HEATR1: variants seen among roughly 807,000 people sequenced by gnomAD.
HEATR1 encodes HEAT repeat containing 1, also known as HEAT repeat-containing protein 1.
In HEATR1, 77 loss-of-function variants were observed where a neutral mutation model predicts 248.2. That is an observed-to-expected ratio of 0.31 (90% CI 0.26 to 0.37). The LOEUF (loss-of-function observed/expected upper bound fraction) is 0.37, where lower values mean the gene tolerates loss of function less well. HEATR1 is among the 10% of genes least tolerant of loss of function. The pLI, the probability that HEATR1 is intolerant of heterozygous loss-of-function variation, is 1.00. For synonymous variants in HEATR1, 897 were observed against 923.1 expected, an observed-to-expected ratio of 0.97 and a Z score of 0.51; for missense variants, 2,420 against 2,504.9, an observed-to-expected ratio of 0.97 and a Z score of 0.72.
In HEATR1 at chr1:236,588,294, A is replaced by G. The variant is rs574232269; in HGVS notation, c.1531-251T>C. 5.9e-5 allele frequency among the ~76,000 whole-genome samples: 9 copies of G among 152,342 alleles called. No homozygotes were observed. In the East Asian group the frequency reaches 1.5e-3, roughly 26 times the overall value. ...ATAGTAAATATGGTATACTCCAAAT[A>G]TAGTTTTTGTAGTTAAGGAGTTCAT... On this transcript the variant is annotated intron_variant, in intron 12 of 44. Coordinates refer to ENST00000366582, the MANE Select transcript of HEATR1 (RefSeq NM_018072.6).
At chr1:236,572,879 T>C (rs1464735688) in intron 24 of HEATR1, 51 bp from the exon 25 acceptor site, 1 of 1,486,880 alleles carries the variant, frequency 6.7e-7, no homozygotes, top group African/African-American at 1.4e-5. Flanking sequence ...TGGGATAAAA[T>C]TAGAGCAATA....
At chr1:236,570,658 A>G (rs1663402869) in intron 28 of HEATR1, among the ~76,000 whole-genome samples, 1 of 152,200 alleles carries the variant, frequency 6.6e-6, no homozygotes, top group Admixed American at 6.5e-5. Context: ...CATCTGAACT[A>G]TATTTCAATA....
rs1158688181 is a variant in HEATR1 at position 236,549,482 on chromosome 1, ATAT to A, written c.*1417_*1419del. The A allele has an allele frequency of 6.5e-6, 1 of 152,674 alleles. No individual in the cohort carries two copies. The highest frequency in any genetic ancestry group is 2.4e-5 in the African/African-American group (1 of 41,486). 9.5% of individuals were successfully genotyped at this position (152,674 alleles called of 1,614,324 possible). On this transcript the variant is annotated 3_prime_UTR_variant, in exon 45 of 45. Coordinates refer to ENST00000366582, the MANE Select transcript of HEATR1 (RefSeq NM_018072.6). Reference sequence around the variant, plus strand: ...GGAATATTTTCAGAACAGATTTTAGATATTATTTCTATCCATATATTGAAAAGA... The same window carrying A: ...GGAATATTTTCAGAACAGATTTTAGATATTTCTATCCATATATTGAAAAGA...
At chr1:236,562,071 T>TAC (rs1558179603) in intron 32 of HEATR1, among the ~76,000 whole-genome samples, 19 of 152,222 alleles carry the variant, frequency 1.2e-4, no homozygotes. Flanking sequence ...TGCCACTACG[T>TAC]ACCCAATCCC....
At chr1:236,570,734 A>G (rs1422816862) in intron 28 of HEATR1, among the ~76,000 whole-genome samples, 1 of 151,860 alleles carries the variant, frequency 6.6e-6, no homozygotes, top group Admixed American at 6.6e-5. Flanking sequence ...AGAAGCACAG[A>G]CTCTCTTACA....
intron 35 of HEATR1, 30 bp from the exon 36 acceptor site, chr1:236,558,559 ATT>A (rs1251775220): frequency 6.4e-7 from 1 of 1,571,374 alleles, no homozygotes; most frequent in Non-Finnish European, 8.6e-7. Context: ...TCCCCAAATC[ATT>A]AAAGCTGCAA....
At chr1:236,582,072 T>C (rs1663763828) in intron 19 of HEATR1, among the ~76,000 whole-genome samples, 1 of 152,158 alleles carries the variant, frequency 6.6e-6, no homozygotes, top group African/African-American at 2.4e-5. Context: ...TTATAAACTG[T>C]CATAACCCAA....
At chr1:236,589,990 T>A (rs182788493) in intron 12 of HEATR1, among the ~76,000 whole-genome samples, 2 of 152,188 alleles carry the variant, frequency 1.3e-5, no homozygotes, top group African/African-American at 4.8e-5. Context: ...ATGACTAAAG[T>A]TTGGAAACTA....
chr1:236,586,302 A>G lies in HEATR1; in HGVS notation c.1866T>C (p.Ala622=). The G allele has an allele frequency of 1.2e-6, 2 of 1,613,630 alleles. No individual in the cohort carries two copies. The highest frequency in any genetic ancestry group is 1.7e-6 in the Non-Finnish European group (2 of 1,179,676). The part of the protein sequence containing the change: ...DDTESAEMKI[A]IYLSKSGICS... ...AGATTCCTGATTTTGATAAATATAT[A>G]GCAATTTTCATCTCAGCAGATTCCG... Residue 622 remains alanine, a synonymous_variant, in exon 15 of 45, where the codon GCT becomes GCC. Transcript: ENST00000366582.
chr1:236,564,415 A>G, intron 32 of HEATR1, 83 bp downstream of exon 32: 2 of 1,215,722 alleles, frequency 1.6e-6, no homozygotes, highest in Middle Eastern at 2.9e-4. Context: ...TGAGCCATTT[A>G]CCAAGCTACT....
chr1:236,574,544 G>A, intron 23 of HEATR1, 117 bp downstream of exon 23: 5 of 1,340,722 alleles, frequency 3.7e-6, no homozygotes, highest in East Asian at 2.3e-5. Context: ...TAGTCCACCT[G>A]TAACTATCTT....
At chr1:236,581,597 G>A (rs1181928346) in intron 19 of HEATR1, among the ~76,000 whole-genome samples, 183 bp from the exon 20 acceptor site, 5 of 152,176 alleles carry the variant, frequency 3.3e-5, no homozygotes, top group South Asian at 4.1e-4. Context: ...TGTCAATGAA[G>A]AGTGATATTC....
At position 236,592,623 on chromosome 1, in the gene HEATR1, C is replaced by A; in HGVS notation, c.1204G>T (p.Glu402Ter). The A allele has an allele frequency of 7.6e-7, 1 of 1,314,894 alleles. No homozygotes were observed. The highest frequency in any genetic ancestry group is 1.1e-6 in the Non-Finnish European group (1 of 937,066). 81.5% of individuals were successfully genotyped at this position (1,314,894 alleles called of 1,614,324 possible). A position where few individuals can be genotyped will look rare whatever the true frequency, so the allele number is the denominator to read the frequency against. ...TGTGAACTATATGAAATATACTCTT[C>A]AAATAGAAGGCTGTAAAAAAAAAAA... Reference protein sequence around the residue: ...LDHLLASLLFEEYISYSSQEE... With the variant: ...LDHLLASLLF The change falls in exon 10 of 45, where the codon GAA becomes TAA. Residue 402 changes from glutamate (E) to a stop codon, truncating the protein, a stop_gained. Transcript: ENST00000366582. LOFTEE classifies it high-confidence loss of function.
rs750898415 is a variant in HEATR1 at position 236,595,588 on chromosome 1, G to T, written c.1042C>A (p.His348Asn). The T allele has an allele frequency of 2.5e-6, 4 of 1,608,812 alleles. No individual in the cohort carries two copies. In the East Asian group the frequency reaches 8.9e-5, roughly 36 times the overall value. The change falls in exon 8 of 45, where the codon CAT (histidine) becomes AAT (asparagine). Residue 348 changes from histidine to asparagine, a missense_variant. Physicochemically the swap from His to Asn is moderately conservative, Grantham distance 68 (BLOSUM62 1). Coordinates refer to ENST00000366582, the MANE Select transcript of HEATR1 (RefSeq NM_018072.6). ...SETYDVSPLL[H>N]YMLPHLVVSI... ...ACGACCAGATGGGGAAGCATGTAATGCAGAAGAGGACTGACATCGTAAGTT... is the reference window on the plus strand; with the variant it reads ...ACGACCAGATGGGGAAGCATGTAATTCAGAAGAGGACTGACATCGTAAGTT...
chr1:236,566,654 C>A lies in HEATR1; in HGVS notation c.4300G>T (p.Gly1434Cys). Residue 1434 changes from glycine to cysteine, a missense_variant, in exon 30 of 45, where the codon GGC becomes TGC. Transcript: ENST00000366582. ...VTKTVLAAAY[G>C]EKDAILEADT... ...CCACCCTAGGTTCTGACCTTTTCGC[C>A]ATAGGCAGCCGCCAGCACTGTTTTT... 1.2e-6 allele frequency: 2 copies of A among 1,612,784 alleles called. No individual in the cohort carries two copies. The highest frequency in any genetic ancestry group is 1.7e-6 in the Non-Finnish European group (2 of 1,179,054).
chr1:236,602,650 C>T (rs557577257), intron 3 of HEATR1, among the ~76,000 whole-genome samples: 40 of 152,236 alleles, frequency 2.6e-4, no homozygotes, highest in African/African-American at 9.1e-4. Flanking sequence ...TTAGGCTGGG[C>T]GAGGTGGCTC....
At chr1:236,570,111 AC>A (rs1663384085) in intron 28 of HEATR1, among the ~76,000 whole-genome samples, 1 of 152,046 alleles carries the variant, frequency 6.6e-6, no homozygotes. Flanking sequence ...ACACGGTGAA[AC>A]CCCGTCTCTA....
intron 5 of HEATR1, among the ~76,000 whole-genome samples, chr1:236,597,495 C>T (rs183140563): frequency 0.016 from 2,381 of 152,154 alleles, 16 homozygotes; most frequent in Middle Eastern, 0.075. Context: ...TCAAGTGATC[C>T]GCCTGCCTTG....
intron 32 of HEATR1, 107 bp downstream of exon 32, chr1:236,564,391 G>A (rs1329070405): frequency 4.5e-6 from 4 of 883,846 alleles, no homozygotes; most frequent in Non-Finnish European, 6.9e-6. Context: ...TTAAAGGCGT[G>A]CCTCCCATTT....
Sources: allele counts gnomAD v4.1 joint callset (sites outside exome capture counted in the v4.1 genomes callset), GRCh38; gene constraint gnomAD v4.1.1; transcripts MANE v1.5; gene names NCBI Gene and HGNC (gene_info 2026-07-23, HGNC 2026-07-21).